The following RBFOX1 variants were observed in gnomAD, a reference collection of about 807,000 sequenced individuals.
RBFOX1 encodes the protein RNA binding protein fox-1 homolog 1.
Under a neutral mutation model 57.7 loss-of-function variants are expected in RBFOX1, and 8 were observed. The ratio of observed to expected loss-of-function variants is 0.14; its 90% CI spans 0.08 to 0.25. RBFOX1 has a LOEUF of 0.25. Among genes scored for constraint, RBFOX1 ranks in the 10% least tolerant of loss-of-function variants. The pLI, the probability that RBFOX1 is intolerant of heterozygous loss-of-function variation, is 1.00. For missense variants in RBFOX1, 611 were observed against 548.5 expected, an observed-to-expected ratio of 1.11 and a Z score of -1.14; for synonymous variants, 326 against 222.4, an observed-to-expected ratio of 1.47 and a Z score of -4.15.
chr16:5,463,542 G>T (rs1459209530), intron 1 of RBFOX1, among the ~76,000 whole-genome samples: 2 of 152,182 alleles, frequency 1.3e-5, no homozygotes, highest in African/African-American at 2.4e-5. Flanking sequence ...GGTCGTGTCT[G>T]TAATTCCAGC....
At chr16:5,793,895 A>G (rs1003276404) in intron 3 of RBFOX1, among the ~76,000 whole-genome samples, 1 of 152,242 alleles carries the variant, frequency 6.6e-6, no homozygotes, top group African/African-American at 2.4e-5. Flanking sequence ...TGATCCTCAC[A>G]TTATAAACCT....
intron 3 of RBFOX1, among the ~76,000 whole-genome samples, chr16:5,757,068 T>G (rs1486009892): frequency 6.6e-6 from 1 of 152,208 alleles, no homozygotes; most frequent in African/African-American, 2.4e-5. Context: ...TGTATTGCAT[T>G]CTTCAGATTC....
intron 1 of RBFOX1, among the ~76,000 whole-genome samples, chr16:5,456,103 A>G (rs892326363): frequency 1.3e-5 from 2 of 152,252 alleles, no homozygotes; most frequent in African/African-American, 4.8e-5. Context: ...TATGGCATAT[A>G]TCATTTTTTT....
intron 4 of RBFOX1, among the ~76,000 whole-genome samples, chr16:7,177,549 T>C (rs999163735): frequency 6.6e-6 from 1 of 152,126 alleles, no homozygotes. Context: ...TTTTCTACCT[T>C]GTGTCTTATT....
chr16:6,967,112 C>T (rs976650721), intron 3 of RBFOX1, among the ~76,000 whole-genome samples: 1 of 152,148 alleles, frequency 6.6e-6, no homozygotes, highest in African/African-American at 2.4e-5. Context: ...TACACTCATT[C>T]ATCCATTACT....
intron 5 of RBFOX1, among the ~76,000 whole-genome samples, chr16:7,520,360 A>G (rs1276239927): frequency 6.6e-6 from 1 of 152,124 alleles, no homozygotes; most frequent in African/African-American, 2.4e-5. Flanking sequence ...CACCACCATT[A>G]TCTAGTTTGA....
chr16:7,536,547 T>C (rs2081515018), intron 5 of RBFOX1, among the ~76,000 whole-genome samples: 1 of 152,186 alleles, frequency 6.6e-6, no homozygotes, highest in Admixed American at 6.5e-5. Context: ...TGAGCCAAGA[T>C]GGCACCACTG....
intron 5 of RBFOX1, among the ~76,000 whole-genome samples, chr16:7,569,465 G>A (rs936775966): frequency 2.6e-5 from 4 of 152,100 alleles, no homozygotes; most frequent in Non-Finnish European, 5.9e-5. Context: ...CTGACATTGG[G>A]GGTTCTCTTC....
intron 3 of RBFOX1, among the ~76,000 whole-genome samples, chr16:6,896,815 G>C (rs1436568775): frequency 6.6e-6 from 1 of 152,176 alleles, no homozygotes; most frequent in Non-Finnish European, 1.5e-5. Context: ...TCATAGATGA[G>C]TTTATAGGAT....
At chr16:6,504,139 C>G (rs1028811321) in intron 2 of RBFOX1, among the ~76,000 whole-genome samples, 1 of 152,164 alleles carries the variant, frequency 6.6e-6, no homozygotes, top group Non-Finnish European at 1.5e-5. Context: ...TCATATACCT[C>G]TAGTGACAAA....
At chr16:5,917,605 A>C (rs549196413) in intron 4 of RBFOX1, among the ~76,000 whole-genome samples, 1 of 152,314 alleles carries the variant, frequency 6.6e-6, no homozygotes, top group South Asian at 2.1e-4. Context: ...GGGTGTGTCC[A>C]TGTGAGTTCT....
intron 4 of RBFOX1, among the ~76,000 whole-genome samples, chr16:7,481,969 G>A (rs770919971): frequency 9.2e-5 from 14 of 152,166 alleles, no homozygotes; most frequent in Non-Finnish European, 2.1e-4. Context: ...ATGAGAACGC[G>A]AGATACGGTT....
intron 4 of RBFOX1, among the ~76,000 whole-genome samples, chr16:5,920,828 A>G (rs1366734080): frequency 1.3e-5 from 2 of 152,200 alleles, no homozygotes; most frequent in Non-Finnish European, 2.9e-5. Flanking sequence ...AAATCCTTCG[A>G]AAGGACAAAA....
chr16:6,924,471 T>G (rs987897339), intron 3 of RBFOX1, among the ~76,000 whole-genome samples: 10 of 151,934 alleles, frequency 6.6e-5, no homozygotes, highest in African/African-American at 2.4e-4. Flanking sequence ...ACCAAGCCAT[T>G]CTTGAGGAAG....
chr16:6,722,651 A>G (rs2066257358), intron 3 of RBFOX1, among the ~76,000 whole-genome samples: 1 of 152,198 alleles, frequency 6.6e-6, no homozygotes, highest in Admixed American at 6.5e-5. Flanking sequence ...CCAACTGGAA[A>G]CCATTTAAAT....
At chr16:5,308,410 T>G (rs1440923380) in intron 1 of RBFOX1, among the ~76,000 whole-genome samples, 1 of 152,120 alleles carries the variant, frequency 6.6e-6, no homozygotes, top group Non-Finnish European at 1.5e-5. Context: ...TCTCTTAGCT[T>G]CAACACCCCA....
intron 3 of RBFOX1, among the ~76,000 whole-genome samples, chr16:6,739,253 A>G: frequency 6.6e-6 from 1 of 152,050 alleles, no homozygotes; most frequent in African/African-American, 2.4e-5. Flanking sequence ...AAAAAAAAGA[A>G]GGGAATAATT....
At chr16:6,360,605 T>C (rs1192073186) in intron 2 of RBFOX1, among the ~76,000 whole-genome samples, 1 of 152,358 alleles carries the variant, frequency 6.6e-6, no homozygotes, top group African/African-American at 2.4e-5. Flanking sequence ...TGTAACACTC[T>C]GGTGAAGGAT....
At chr16:6,005,172 T>C (rs1188958152) in intron 4 of RBFOX1, among the ~76,000 whole-genome samples, 1 of 152,188 alleles carries the variant, frequency 6.6e-6, no homozygotes, top group East Asian at 1.9e-4. Context: ...TCACATGACT[T>C]CAAATGCGGA....
Sources: allele counts gnomAD v4.1 joint callset (sites outside exome capture counted in the v4.1 genomes callset), GRCh38; gene constraint gnomAD v4.1.1; transcripts MANE v1.5; gene names NCBI Gene and HGNC (gene_info 2026-07-23, HGNC 2026-07-21).